NDRG3: variants seen among roughly 807,000 people sequenced by gnomAD.
The protein encoded by NDRG3 is protein NDRG3.
NDRG3 carries 23 observed loss-of-function variants against 57.2 expected under a neutral mutation model. The ratio of observed to expected loss-of-function variants is 0.40; its 90% CI spans 0.29 to 0.57. NDRG3 has a LOEUF of 0.57. Ranked by LOEUF, NDRG3 falls within the 20% of genes least tolerant of loss-of-function variation. NDRG3 has a pLI of 0.42. For missense variants in NDRG3, 384 were observed against 457.3 expected (o/e 0.84, Z 1.46); for synonymous variants, 132 against 162.6 (o/e 0.81, Z 1.43).
intron 8 of NDRG3, among the ~76,000 whole-genome samples, chr20:36,671,618 C>T (rs1297382929): frequency 1.3e-5 from 2 of 151,938 alleles, no homozygotes; most frequent in South Asian, 2.1e-4. Flanking sequence ...CTGGCTAACA[C>T]GGTGAAACCC....
At chr20:36,673,969 G>A (rs1310273785) in intron 8 of NDRG3, among the ~76,000 whole-genome samples, 1 of 151,810 alleles carries the variant, frequency 6.6e-6, no homozygotes, top group East Asian at 2.0e-4. Flanking sequence ...TGGGCGTGGT[G>A]GCACGTTATC....
chr20:36,689,393 G>C (rs539754744), intron 3 of NDRG3, among the ~76,000 whole-genome samples: 7 of 152,150 alleles, frequency 4.6e-5, no homozygotes, highest in Non-Finnish European at 8.8e-5. Context: ...AATTGGGTAA[G>C]GAGCCAGGTA....
At chr20:36,689,088 G>A (rs1302381411) in intron 3 of NDRG3, among the ~76,000 whole-genome samples, 1 of 152,116 alleles carries the variant, frequency 6.6e-6, no homozygotes, top group African/African-American at 2.4e-5. Context: ...CAGCTACTCA[G>A]GAGGCTAAGG....
At chr20:36,693,090 AAAAAAAAAAAAAAAAATAT>A (rs1306393182) in intron 3 of NDRG3, among the ~76,000 whole-genome samples, 4 of 57,512 alleles carry the variant, frequency 7.0e-5, no homozygotes, top group East Asian at 7.5e-4. Context: ...AAAAAAAAAA[AAAAAAAAAAAAAAAAATAT>A]ATATATATAT....
At chr20:36,711,476 T>C (rs1469315137) in intron 2 of NDRG3, among the ~76,000 whole-genome samples, 3 of 152,164 alleles carry the variant, frequency 2.0e-5, no homozygotes, top group African/African-American at 7.2e-5. Context: ...TAAAATCTCA[T>C]AGAATATAGA....
At chr20:36,662,374 C>T (rs181420975) in intron 12 of NDRG3, among the ~76,000 whole-genome samples, 156 of 152,130 alleles carry the variant, frequency 1.0e-3, no homozygotes, top group African/African-American at 3.6e-3. Flanking sequence ...CATGCCATCA[C>T]ACCCAGCTCG....
intron 1 of NDRG3, among the ~76,000 whole-genome samples, chr20:36,735,795 C>A (rs1228682268): frequency 1.3e-5 from 2 of 151,922 alleles, no homozygotes; most frequent in Admixed American, 6.6e-5. Context: ...TCAAGATCAG[C>A]CTGGCCAACA....
rs577427975 is a variant in NDRG3 at position 36,715,532 on chromosome 20, T to C, written c.57+6147A>G. 4.9e-3 allele frequency among the ~76,000 whole-genome samples: 738 copies of C among 151,726 alleles called. 5 individuals are homozygous for C. The highest frequency in any genetic ancestry group is 6.9e-3 in the Non-Finnish European group (466 of 67,848). ...AGGTTTTTTTTTTTTTTAAACAACC[T>C]TGGAGCTGGGTGCGGTAGCTCATGC... On this transcript the variant is annotated intron_variant, in intron 2 of 15. Coordinates refer to ENST00000349004, the MANE Select transcript of NDRG3 (RefSeq NM_032013.4).
intron 2 of NDRG3, among the ~76,000 whole-genome samples, chr20:36,708,189 C>T (rs1983657556): frequency 6.6e-6 from 1 of 152,202 alleles, no homozygotes; most frequent in African/African-American, 2.4e-5. Flanking sequence ...AAAAGTCTCC[C>T]ATTATGTAGA....
At chr20:36,665,562 A>G (rs1979556069) in intron 10 of NDRG3, among the ~76,000 whole-genome samples, 1 of 152,148 alleles carries the variant, frequency 6.6e-6, no homozygotes, top group Admixed American at 6.5e-5. Flanking sequence ...TCAACACCCA[A>G]CAGCAACACC....
chr20:36,682,708 T>C, intron 6 of NDRG3, 130 bp from the exon 7 acceptor site: 1 of 750,566 alleles, frequency 1.3e-6, no homozygotes, highest in Non-Finnish European at 2.2e-6. Flanking sequence ...TTTGGGCAAG[T>C]GTTTTTTTTC....
intron 15 of NDRG3, among the ~76,000 whole-genome samples, chr20:36,654,368 A>G (rs1978467883): frequency 6.6e-6 from 1 of 152,136 alleles, no homozygotes; most frequent in Admixed American, 6.6e-5. Flanking sequence ...CTCCCTGCCT[A>G]TCGTCCTGGG....
intron 2 of NDRG3, among the ~76,000 whole-genome samples, chr20:36,711,233 C>T: frequency 6.8e-6 from 1 of 148,122 alleles, no homozygotes; most frequent in East Asian, 2.0e-4. Flanking sequence ...GAGCAGAGAT[C>T]ACGCCACTGC....
intron 3 of NDRG3, chr20:36,700,325 C>T (rs578030182): frequency 2.7e-6 from 1 of 365,738 alleles, no homozygotes; most frequent in Admixed American, 3.5e-5. Context: ...GATCATTGCC[C>T]TATTTGGAGC....
In NDRG3 at chr20:36,653,454, A is replaced by G; in HGVS notation, c.*66T>C. On this transcript the variant is annotated 3_prime_UTR_variant, in exon 16 of 16. Coordinates refer to ENST00000349004, the MANE Select transcript of NDRG3 (RefSeq NM_032013.4). The surrounding 1 kb of genome is among the most constrained non-coding windows in gnomAD (Gnocchi z 4.2). Reference sequence around the variant, plus strand: ...TAGTAGAGGCCAGTTTACTGGATGAAATGTTATATTATGGAGTGGTCATTT... The same window carrying G: ...TAGTAGAGGCCAGTTTACTGGATGAGATGTTATATTATGGAGTGGTCATTT... 4 of 1,438,594 alleles carry G rather than the reference A, an allele frequency of 2.8e-6. No homozygotes were observed. The highest frequency in any genetic ancestry group is 3.8e-6 in the Non-Finnish European group (4 of 1,045,898). The allele number at this position is 1,438,594 out of a possible 1,614,324, so 89.1% of individuals were successfully genotyped here. A position where few individuals can be genotyped will look rare whatever the true frequency, so the allele number is the denominator to read the frequency against.
chr20:36,712,317 C>A (rs1983933058), intron 2 of NDRG3, among the ~76,000 whole-genome samples: 2 of 151,144 alleles, frequency 1.3e-5, no homozygotes, highest in South Asian at 2.1e-4. Context: ...AAGTTCAGTA[C>A]TGCTCATTGG....
intron 1 of NDRG3, among the ~76,000 whole-genome samples, chr20:36,733,672 G>A (rs1053641591): frequency 6.6e-6 from 1 of 151,836 alleles, no homozygotes; most frequent in African/African-American, 2.4e-5. Context: ...ACTCTAGCCT[G>A]GGTGACAGAG....
chr20:36,737,596 G>A lies in NDRG3; in HGVS notation c.-49+8449C>T, dbSNP rs935365834. Among the ~76,000 whole-genome samples the A allele has an allele frequency of 7.2e-5, 11 of 152,180 alleles. No homozygotes were observed. The East Asian group carries it at 1.7e-3, about 24-fold the overall frequency. On this transcript the variant is annotated intron_variant, in intron 1 of 15. Coordinates refer to ENST00000349004, the MANE Select transcript of NDRG3 (RefSeq NM_032013.4). ...TTTACAGATGAAGAAACTGAAGCTCGGACGGGGTATTGTAATTTGCCAAAG... is the reference window on the plus strand; with the variant it reads ...TTTACAGATGAAGAAACTGAAGCTCAGACGGGGTATTGTAATTTGCCAAAG...
intron 8 of NDRG3, among the ~76,000 whole-genome samples, chr20:36,680,607 G>A (rs925389785): frequency 6.6e-5 from 10 of 152,120 alleles, no homozygotes; most frequent in African/African-American, 2.4e-4. Flanking sequence ...AGGAGAGGAA[G>A]TATCAATTAG....
Sources: gnomAD v4.1 joint callset for allele counts (sites outside exome capture counted in the v4.1 genomes callset) on GRCh38, gnomAD v4.1.1 for gene constraint, Gnocchi (gnomAD v3.1) non-coding constraint, MANE v1.5 for transcripts, NCBI Gene and HGNC (gene_info 2026-07-23, HGNC 2026-07-21) for gene names.